GSG1L: variants seen among roughly 807,000 people sequenced by gnomAD.
GSG1L encodes the protein GSG1 like, also known as germ cell-specific gene 1-like protein.
In GSG1L, 24 loss-of-function variants were observed where a neutral mutation model predicts 42.1. The observed-to-expected ratio is 0.57, with a 90% CI of 0.41 to 0.80. The LOEUF is 0.80. Among genes scored for constraint, GSG1L ranks in the 30% least tolerant of loss-of-function variants. The probability of loss-of-function intolerance (pLI) is 0.00; values close to 1 mark genes in which losing one functional copy is unlikely to be tolerated. For missense variants in GSG1L, 445 were observed against 472.2 expected (o/e 0.94, Z 0.53); for synonymous variants, 215 against 203.5 (o/e 1.06, Z -0.48).
chr16:27,888,460 C>G lies in GSG1L; in HGVS notation c.398-3822G>C, dbSNP rs1363470139. 2.5e-4 allele frequency among the ~76,000 whole-genome samples: 4 copies of G among 15,966 alleles called. 1 individual carries two copies. In the Admixed American group the frequency reaches 3.2e-3, roughly 13 times the overall value. The allele number at this position is 15,966 out of a possible 152,430, so 10.5% of individuals were successfully genotyped here. On this transcript the variant is annotated intron_variant, in intron 2 of 6. Transcript: ENST00000447459. ...TCTTTCTTTCTTTCTTTCTTTCTTT[C>G]TTTCTCTCTCTCTCTCTCTTTCCTT...
intron 1 of GSG1L, among the ~76,000 whole-genome samples, chr16:28,045,079 C>CAG (rs1348018571): frequency 6.6e-6 from 1 of 152,074 alleles, no homozygotes; most frequent in Non-Finnish European, 1.5e-5. Flanking sequence ...GACAAAAAGG[C>CAG]AGAGCATCGG....
intron 3 of GSG1L, among the ~76,000 whole-genome samples, chr16:27,869,242 G>C (rs984299890): frequency 6.6e-6 from 1 of 151,570 alleles, no homozygotes; most frequent in Non-Finnish European, 1.5e-5. Context: ...GGAGAGAACA[G>C]AAGAAGGAGG....
chr16:27,837,665 T>A (rs1302661369), intron 4 of GSG1L, among the ~76,000 whole-genome samples: 1 of 152,232 alleles, frequency 6.6e-6, no homozygotes, highest in Admixed American at 6.5e-5. Context: ...GAGATGAAAG[T>A]CCACCTGGTG....
At chr16:28,013,911 C>T (rs892898351) in intron 1 of GSG1L, among the ~76,000 whole-genome samples, 3 of 152,232 alleles carry the variant, frequency 2.0e-5, no homozygotes, top group African/African-American at 4.8e-5. Context: ...CTATGTGGCT[C>T]ACTTCAGCCA....
At chr16:27,958,763 C>G (rs1277931307) in intron 2 of GSG1L, among the ~76,000 whole-genome samples, 1 of 152,032 alleles carries the variant, frequency 6.6e-6, no homozygotes, top group African/African-American at 2.4e-5. Context: ...GTAACCTCCA[C>G]CTCCCGGTTC....
chr16:27,908,825 T>G (rs1420296091), intron 2 of GSG1L, among the ~76,000 whole-genome samples: 1 of 152,160 alleles, frequency 6.6e-6, no homozygotes, highest in Non-Finnish European at 1.5e-5. Flanking sequence ...CAAACCACAG[T>G]GTTTTGCTTG....
intron 2 of GSG1L, among the ~76,000 whole-genome samples, chr16:27,915,875 GT>G (rs2084449529): frequency 6.6e-6 from 1 of 152,194 alleles, no homozygotes. Context: ...GACAACCTGG[GT>G]TTAAATTCTG....
chr16:27,962,494 C>T (rs1184795198), intron 2 of GSG1L, among the ~76,000 whole-genome samples: 1 of 152,212 alleles, frequency 6.6e-6, no homozygotes, highest in South Asian at 2.1e-4. Context: ...GCAGAGCCAC[C>T]TTAGATTGTC....
chr16:27,993,526 C>T (rs1480630900), intron 1 of GSG1L, among the ~76,000 whole-genome samples: 1 of 152,122 alleles, frequency 6.6e-6, no homozygotes, highest in Non-Finnish European at 1.5e-5. Context: ...TAAAACCAGG[C>T]TCAACAGGCC....
chr16:28,047,020 A>G (rs1274866646), intron 1 of GSG1L, among the ~76,000 whole-genome samples: 1 of 152,174 alleles, frequency 6.6e-6, no homozygotes, highest in Non-Finnish European at 1.5e-5. Context: ...TCTTCACTGA[A>G]TCCAGCTTCC....
intron 1 of GSG1L, among the ~76,000 whole-genome samples, chr16:28,037,853 T>C (rs2086058702): frequency 2.0e-5 from 3 of 152,152 alleles, no homozygotes; most frequent in South Asian, 4.1e-4. Context: ...TTTCCCCTCT[T>C]GGGATGCAGC....
intron 2 of GSG1L, among the ~76,000 whole-genome samples, chr16:27,905,056 C>T (rs1250675162): frequency 6.6e-6 from 1 of 152,242 alleles, no homozygotes; most frequent in Admixed American, 6.5e-5. Context: ...TCAAACACAA[C>T]TGTGAGGCCC....
intron 3 of GSG1L, among the ~76,000 whole-genome samples, chr16:27,857,629 C>T (rs1307094161): frequency 1.3e-5 from 2 of 151,976 alleles, no homozygotes; most frequent in African/African-American, 4.8e-5. Context: ...GTGTGCAGCA[C>T]CCCGGGGAAG....
chr16:28,055,150 C>CTATTTT (rs1362129109), intron 1 of GSG1L, among the ~76,000 whole-genome samples: 1 of 152,050 alleles, frequency 6.6e-6, no homozygotes, highest in African/African-American at 2.4e-5. Flanking sequence ...CAGCATTATT[C>CTATTTT]TATTTTTATT....
intron 2 of GSG1L, among the ~76,000 whole-genome samples, chr16:27,962,783 T>C (rs1400772529): frequency 6.6e-6 from 1 of 152,148 alleles, no homozygotes; most frequent in Non-Finnish European, 1.5e-5. Context: ...GCCAGGCACC[T>C]GGCTTCCCTC....
At chr16:28,037,083 G>C (rs1456041680) in intron 1 of GSG1L, among the ~76,000 whole-genome samples, 1 of 152,192 alleles carries the variant, frequency 6.6e-6, no homozygotes, top group Non-Finnish European at 1.5e-5. Flanking sequence ...CTGGAGTGCA[G>C]TGGTGTGATC....
chr16:27,874,254 C>A (rs528585192), intron 3 of GSG1L, among the ~76,000 whole-genome samples: 3 of 151,950 alleles, frequency 2.0e-5, no homozygotes, highest in Admixed American at 6.6e-5. Flanking sequence ...ATGGGGGCTG[C>A]GGGAGGGTCA....
rs372228391 is a variant in GSG1L at position 27,823,517 on chromosome 16, G to A, written c.830+5272C>T. ...AATTTCTTCCTGTCCATCAGCCCCC[G>A]CAGGGCACTACCTTGTCGCTGGTCT... On this transcript the variant is annotated intron_variant, in intron 5 of 6. Coordinates refer to ENST00000447459, the MANE Select transcript of GSG1L (RefSeq NM_001109763.2). 2.3e-4 allele frequency among the ~76,000 whole-genome samples: 35 copies of A among 152,056 alleles called. 3 individuals carry two copies. The highest frequency in any genetic ancestry group is 1.2e-3 in the Admixed American group (18 of 15,264).
In GSG1L at chr16:27,889,309, A is replaced by G. The variant is rs1219189404; in HGVS notation, c.398-4671T>C. ...TGTGCTTTTCCAGCTAGATTGCTAGATTTATTTCCTTATCTTCTTACTGGG... is the reference window on the plus strand; with the variant it reads ...TGTGCTTTTCCAGCTAGATTGCTAGGTTTATTTCCTTATCTTCTTACTGGG... On this transcript the variant is annotated intron_variant, in intron 2 of 6. Coordinates refer to ENST00000447459, the MANE Select transcript of GSG1L (RefSeq NM_001109763.2). Among the ~76,000 whole-genome samples the G allele has an allele frequency of 2.0e-5, 3 of 152,180 alleles. No homozygotes were observed. The East Asian group carries it at 5.8e-4, about 29-fold the overall frequency.
Sources: gnomAD v4.1 joint callset for allele counts (sites outside exome capture counted in the v4.1 genomes callset) on GRCh38, gnomAD v4.1.1 for gene constraint, MANE v1.5 for transcripts, NCBI Gene and HGNC (gene_info 2026-07-23, HGNC 2026-07-21) for gene names.